Variants in GRIK1 observed in about 807,000 individuals in gnomAD.
The protein encoded by GRIK1 is glutamate receptor ionotropic, kainate 1.
GRIK1 carries 69 observed loss-of-function variants against 105.7 expected under a neutral mutation model. The observed-to-expected ratio is 0.65, with a 90% confidence interval of 0.54 to 0.80. The LOEUF is 0.80. Ranked by LOEUF, GRIK1 falls within the 30% of genes least tolerant of loss-of-function variation. The probability of loss-of-function intolerance (pLI) is 0.00; values close to 1 mark genes in which losing one functional copy is unlikely to be tolerated. For missense variants in GRIK1, 1,109 were observed against 1,167.3 expected (o/e 0.95, Z 0.73); for synonymous variants, 438 against 431.3 (o/e 1.02, Z -0.19).
At chr21:29,732,933 G>T (rs2064677666) in intron 1 of GRIK1, among the ~76,000 whole-genome samples, 1 of 152,164 alleles carries the variant, frequency 6.6e-6, no homozygotes. Context: ...GTGAAAAAAT[G>T]CCACGGAAAA....
intron 16 of GRIK1, among the ~76,000 whole-genome samples, chr21:29,549,334 T>G (rs540094639): frequency 5.3e-5 from 8 of 152,160 alleles, no homozygotes; most frequent in Non-Finnish European, 1.2e-4. Flanking sequence ...CAACTACCGT[T>G]AGGATTGTTG....
chr21:29,785,880 C>T lies in GRIK1; in HGVS notation c.119-91817G>A, dbSNP rs143920972. Reference sequence around the variant, plus strand: ...TGAAAGAATGGGCTAGGGGACAAGCCTATATTGCCTCTGTCAGTTTCTGGT... The same window carrying T: ...TGAAAGAATGGGCTAGGGGACAAGCTTATATTGCCTCTGTCAGTTTCTGGT... On this transcript the variant is annotated intron_variant, in intron 1 of 17. Transcript: ENST00000327783. Among the ~76,000 whole-genome samples, 969 of 152,292 alleles carry T rather than the reference C, an allele frequency of 6.4e-3. 3 individuals carry two copies. The highest frequency in any genetic ancestry group is 0.01 in the Non-Finnish European group (687 of 68,022).
chr21:29,931,954 T>C (rs776014921), intron 1 of GRIK1, among the ~76,000 whole-genome samples: 1 of 152,194 alleles, frequency 6.6e-6, no homozygotes, highest in Non-Finnish European at 1.5e-5. Flanking sequence ...AGTCTCCAAA[T>C]TGATGATAAC....
intron 1 of GRIK1, among the ~76,000 whole-genome samples, chr21:29,904,357 T>C (rs2070527885): frequency 6.6e-6 from 1 of 152,086 alleles, no homozygotes; most frequent in Non-Finnish European, 1.5e-5. Context: ...TTTGTTTTTT[T>C]TTAAAACTGA....
intron 1 of GRIK1, among the ~76,000 whole-genome samples, chr21:29,917,613 A>G (rs460583): frequency 0.23 from 35,407 of 151,902 alleles, 4,934 homozygotes; most frequent in African/African-American, 0.39. Context: ...AACTGAGTAT[A>G]AAACCCTATT....
intron 16 of GRIK1, among the ~76,000 whole-genome samples, chr21:29,548,290 T>C: frequency 6.6e-6 from 1 of 152,252 alleles, no homozygotes; most frequent in East Asian, 1.9e-4. Context: ...ATGTTGACTT[T>C]CTATCACAAG....
intron 1 of GRIK1, among the ~76,000 whole-genome samples, chr21:29,698,878 T>C (rs572298771): frequency 6.6e-6 from 1 of 152,354 alleles, no homozygotes; most frequent in Non-Finnish European, 1.5e-5. Flanking sequence ...TTTAAAATGA[T>C]AAGGGTAAAA....
intron 1 of GRIK1, among the ~76,000 whole-genome samples, chr21:29,866,241 A>C (rs1262983194): frequency 6.6e-6 from 1 of 152,084 alleles, no homozygotes; most frequent in Non-Finnish European, 1.5e-5. Context: ...ACACACCACC[A>C]AGCCCAGCTA....
chr21:29,897,579 A>G (rs1008404299), intron 1 of GRIK1, among the ~76,000 whole-genome samples: 8 of 152,190 alleles, frequency 5.3e-5, no homozygotes, highest in Admixed American at 1.3e-4. Flanking sequence ...TTTTACATTC[A>G]TGTTAAACCC....
intron 1 of GRIK1, among the ~76,000 whole-genome samples, chr21:29,902,818 A>G (rs952789094): frequency 3.3e-5 from 5 of 152,198 alleles, no homozygotes; most frequent in African/African-American, 9.6e-5. Context: ...GGGCCCACAT[A>G]GCCAAGACAA....
intron 1 of GRIK1, among the ~76,000 whole-genome samples, chr21:29,827,554 A>G (rs997309335): frequency 1.3e-5 from 2 of 152,080 alleles, no homozygotes; most frequent in African/African-American, 4.8e-5. Context: ...CCCAAATCCT[A>G]TTTTGATTAA....
chr21:29,930,566 G>C (rs370697591), intron 1 of GRIK1, among the ~76,000 whole-genome samples: 1 of 152,130 alleles, frequency 6.6e-6, no homozygotes, highest in East Asian at 1.9e-4. Context: ...ATAGTTTCCT[G>C]TGACTTTTCA....
At chr21:29,754,939 T>G (rs2065297734) in intron 1 of GRIK1, among the ~76,000 whole-genome samples, 1 of 152,200 alleles carries the variant, frequency 6.6e-6, no homozygotes, top group Non-Finnish European at 1.5e-5. Context: ...TTCTTTGTAC[T>G]CTATCTATAT....
intron 1 of GRIK1, among the ~76,000 whole-genome samples, chr21:29,884,609 A>G (rs889878864): frequency 6.6e-6 from 1 of 152,046 alleles, no homozygotes; most frequent in African/African-American, 2.4e-5. Context: ...TTTCTAACCT[A>G]ACAGATAAAG....
At chr21:29,602,164 G>A (rs2061531465) in intron 7 of GRIK1, among the ~76,000 whole-genome samples, 1 of 152,086 alleles carries the variant, frequency 6.6e-6, no homozygotes, top group Non-Finnish European at 1.5e-5. Flanking sequence ...TGCATAAAAC[G>A]AGCTTTAGCT....
At chr21:29,867,870 G>GAA (rs1259204015) in intron 1 of GRIK1, among the ~76,000 whole-genome samples, 6 of 14,690 alleles carry the variant, frequency 4.1e-4, no homozygotes, top group Non-Finnish European at 8.8e-4. Flanking sequence ...GAGAGAGAAA[G>GAA]AGAGAAAGAG....
chr21:29,803,049 T>C (rs977925098), intron 1 of GRIK1, among the ~76,000 whole-genome samples: 2 of 150,928 alleles, frequency 1.3e-5, no homozygotes, highest in Non-Finnish European at 2.9e-5. Flanking sequence ...AATGCTGTAG[T>C]TTTTTTTCAC....
intron 1 of GRIK1, among the ~76,000 whole-genome samples, chr21:29,879,683 G>A (rs2069326311): frequency 6.6e-6 from 1 of 151,950 alleles, no homozygotes; most frequent in Non-Finnish European, 1.5e-5. Context: ...AGAACAATTA[G>A]CAGTCCCGAT....
At chr21:29,553,692 A>G in intron 16 of GRIK1, 1 of 1,579,732 alleles carries the variant, frequency 6.3e-7, no homozygotes, top group Non-Finnish European at 8.6e-7. Flanking sequence ...AGTCCATAAA[A>G]GAAACAAAAA....
Sources: gnomAD v4.1 joint callset for allele counts (sites outside exome capture counted in the v4.1 genomes callset) on GRCh38, gnomAD v4.1.1 for gene constraint, MANE v1.5 for transcripts, NCBI Gene and HGNC (gene_info 2026-07-23, HGNC 2026-07-21) for gene names.